CDH4: variants seen among roughly 807,000 people sequenced by gnomAD.
CDH4 encodes the protein cadherin-4.
Under a neutral mutation model 86.0 loss-of-function variants are expected in CDH4, and 33 were observed. The observed-to-expected ratio is 0.38, with a 90% CI of 0.29 to 0.51. The LOEUF is 0.51. Ranked by LOEUF, CDH4 falls within the 20% of genes least tolerant of loss-of-function variation. The pLI is 0.86. For synonymous variants in CDH4, 555 were observed against 549.4 expected (o/e 1.01, Z -0.14); for missense variants, 1,114 against 1,307.4 (o/e 0.85, Z 2.28).
chr20:61,874,994 T>C (rs903501832), intron 7 of CDH4, among the ~76,000 whole-genome samples: 1 of 152,186 alleles, frequency 6.6e-6, no homozygotes, highest in Non-Finnish European at 1.5e-5. Flanking sequence ...GAGCTCTGGG[T>C]GTGCGGGGAC....
chr20:61,723,301 T>A (rs1192899031), intron 2 of CDH4, among the ~76,000 whole-genome samples: 1 of 152,102 alleles, frequency 6.6e-6, no homozygotes, highest in Non-Finnish European at 1.5e-5. Context: ...CCCCTGCACC[T>A]CCTCCGGACC....
chr20:61,793,795 C>T (rs1294828798), intron 4 of CDH4, among the ~76,000 whole-genome samples: 21 of 146,370 alleles, frequency 1.4e-4, no homozygotes, highest in East Asian at 4.0e-4. Flanking sequence ...GCCGAGATCA[C>T]GCCACTGCAC....
intron 2 of CDH4, among the ~76,000 whole-genome samples, chr20:61,613,719 C>G (rs1282097321): frequency 2.0e-5 from 3 of 152,022 alleles, no homozygotes; most frequent in Non-Finnish European, 4.4e-5. Flanking sequence ...TTCCCCTTCA[C>G]TGCTTTCTAC....
At chr20:61,318,158 G>A (rs1297602622) in intron 2 of CDH4, among the ~76,000 whole-genome samples, 1 of 152,186 alleles carries the variant, frequency 6.6e-6, no homozygotes, top group Non-Finnish European at 1.5e-5. Flanking sequence ...ATGTGTGAAA[G>A]GGGAACTCAC....
rs1354721876 is a variant in CDH4 at position 61,524,432 on chromosome 20, G to A, written c.170-219131G>A. The stretch of plus-strand genomic sequence containing the variant: ...TGCATGTCGTCAGCAGAGGAAGCTG[G>A]GTGAGGAGTACTCGGGACTCTCTGC... On this transcript the variant is annotated intron_variant, in intron 2 of 15. Coordinates refer to ENST00000614565, the MANE Select transcript of CDH4 (RefSeq NM_001794.5). Among the ~76,000 whole-genome samples the A allele has an allele frequency of 2.0e-5, 3 of 152,052 alleles. No homozygotes were observed. The East Asian group carries it at 5.8e-4, about 29-fold the overall frequency.
chr20:61,911,025 G>A (rs2054844472), intron 9 of CDH4, among the ~76,000 whole-genome samples: 1 of 152,224 alleles, frequency 6.6e-6, no homozygotes, highest in Admixed American at 6.5e-5. Context: ...TTTTCTGGGT[G>A]ATTTAGGCCT....
chr20:61,500,140 C>G (rs1223598223), intron 2 of CDH4, among the ~76,000 whole-genome samples: 1 of 152,228 alleles, frequency 6.6e-6, no homozygotes, highest in Non-Finnish European at 1.5e-5. Flanking sequence ...GCAGGGCGTC[C>G]CCTGGCCTCG....
chr20:61,357,841 T>G (rs2084760188), intron 2 of CDH4, among the ~76,000 whole-genome samples: 1 of 152,226 alleles, frequency 6.6e-6, no homozygotes, highest in African/African-American at 2.4e-5. Flanking sequence ...ATCTCTGGCC[T>G]TGACTCTATG....
intron 2 of CDH4, among the ~76,000 whole-genome samples, chr20:61,416,502 C>T (rs1299480748): frequency 1.3e-5 from 2 of 152,176 alleles, no homozygotes; most frequent in East Asian, 3.8e-4. Context: ...AGTGACCATC[C>T]TAATGGGTGT....
chr20:61,499,851 T>C (rs2085687895), intron 2 of CDH4, among the ~76,000 whole-genome samples: 1 of 152,182 alleles, frequency 6.6e-6, no homozygotes, highest in Admixed American at 6.5e-5. Flanking sequence ...TCCCCCAGCC[T>C]GTACCATGGA....
intron 7 of CDH4, among the ~76,000 whole-genome samples, chr20:61,885,487 A>G (rs1188367605): frequency 2.6e-5 from 4 of 152,170 alleles, no homozygotes; most frequent in Admixed American, 6.5e-5. Context: ...ATGGCTGAAT[A>G]ATATTCCGCT....
At chr20:61,464,811 A>G (rs1254221647) in intron 2 of CDH4, among the ~76,000 whole-genome samples, 1 of 152,232 alleles carries the variant, frequency 6.6e-6, no homozygotes, top group Admixed American at 6.5e-5. Context: ...GTGGAGGGAC[A>G]GGGCTCGCCA....
intron 6 of CDH4, among the ~76,000 whole-genome samples, chr20:61,856,279 C>T (rs192505211): frequency 6.6e-6 from 1 of 152,308 alleles, no homozygotes; most frequent in East Asian, 1.9e-4. Context: ...ATTGACTCAG[C>T]TCCAGAGGAA....
intron 4 of CDH4, among the ~76,000 whole-genome samples, chr20:61,792,459 G>A (rs566272214): frequency 1.4e-4 from 21 of 152,264 alleles, no homozygotes; most frequent in Admixed American, 6.5e-4. Context: ...TGCTGGGTGC[G>A]CGGGAGTTAA....
chr20:61,875,619 G>C (rs1030332182), intron 7 of CDH4, among the ~76,000 whole-genome samples: 3 of 152,184 alleles, frequency 2.0e-5, no homozygotes, highest in African/African-American at 7.2e-5. Flanking sequence ...CAGAATGCCT[G>C]GGGCTCCGAG....
At chr20:61,638,544 G>T in intron 2 of CDH4, among the ~76,000 whole-genome samples, 1 of 152,154 alleles carries the variant, frequency 6.6e-6, no homozygotes, top group Admixed American at 6.5e-5. Context: ...GAGGGCAGCC[G>T]GGTGACATGG....
At chr20:61,771,864 T>C (rs2088779788) in intron 3 of CDH4, among the ~76,000 whole-genome samples, 1 of 152,210 alleles carries the variant, frequency 6.6e-6, no homozygotes, top group Non-Finnish European at 1.5e-5. Flanking sequence ...AAAGTAAACA[T>C]CTGTCTATAA....
intron 6 of CDH4, among the ~76,000 whole-genome samples, chr20:61,856,751 G>C (rs1022574064): frequency 6.6e-6 from 1 of 152,158 alleles, no homozygotes. Flanking sequence ...CAGAGGGTGT[G>C]GCAGGCACCG....
intron 4 of CDH4, among the ~76,000 whole-genome samples, chr20:61,786,155 A>AC (rs927129979): frequency 2.6e-5 from 4 of 151,676 alleles, no homozygotes; most frequent in Non-Finnish European, 2.9e-5. Flanking sequence ...AGAAAGTTGG[A>AC]CCCCCCGTTC....
Sources: gnomAD v4.1 joint callset for allele counts (sites outside exome capture counted in the v4.1 genomes callset) on GRCh38, gnomAD v4.1.1 for gene constraint, MANE v1.5 for transcripts, NCBI Gene and HGNC (gene_info 2026-07-23, HGNC 2026-07-21) for gene names.